The following PRAMEF10 variants were observed in gnomAD, a reference collection of about 807,000 sequenced individuals.
The protein encoded by PRAMEF10 is PRAME family member 10.
PRAMEF10 carries 4 observed loss-of-function variants against 27.7 expected under a neutral mutation model. That is an observed-to-expected ratio of 0.14 (90% confidence interval 0.07 to 0.33). The LOEUF is 0.33. Among genes scored for constraint, PRAMEF10 ranks in the 10% least tolerant of loss-of-function variants. The probability of loss-of-function intolerance (pLI) is 1.00; values close to 1 mark genes in which losing one functional copy is unlikely to be tolerated. For missense variants in PRAMEF10, 99 were observed against 453.9 expected, an observed-to-expected ratio of 0.22 and a Z score of 7.10; for synonymous variants, 46 against 176.0, an observed-to-expected ratio of 0.26 and a Z score of 5.85.
chr1:12,897,728 T>C (rs1231550204), intron 1 of PRAMEF10, among the ~76,000 whole-genome samples: 2 of 149,030 alleles, frequency 1.3e-5, no homozygotes, highest in African/African-American at 5.1e-5. Context: ...AAGTTGGCAG[T>C]TGGATGTAAT....
chr1:12,894,983 C>T lies in PRAMEF10; in HGVS notation c.469G>A (p.Glu157Lys), dbSNP rs201689660. 1.9e-6 allele frequency: 3 copies of T among 1,608,486 alleles called. No individual in the cohort carries two copies. The highest frequency in any genetic ancestry group is 1.1e-5 in the South Asian group (1 of 90,840). Residue 157 changes from glutamate to lysine, a missense_variant, in exon 3 of 4, where the codon GAA (glutamate) becomes AAA (lysine). Glu to Lys is a moderately conservative substitution (Grantham distance 56). Transcript: ENST00000235347. ...CTCAGGCATTCATCCAGTGTACTTT[C>T]CTTTAGGCAGAGGTCTATGAACACC... ...LKVFIDLCLK[E>K]STLDECLSYL...
At chr1:12,893,515 T>C in intron 3 of PRAMEF10, 41 bp from the exon 4 acceptor site, 1 of 1,477,072 alleles carries the variant, frequency 6.8e-7, no homozygotes, top group Admixed American at 1.7e-5. Flanking sequence ...ATGGTGCCAG[T>C]TAGAGGAGGG....
At position 12,893,378 on chromosome 1, in the gene PRAMEF10, C is replaced by T. The variant is rs199723344; in HGVS notation, c.963G>A (p.Gln321=). 1,105 of 1,610,422 alleles carry T rather than the reference C, an allele frequency of 6.9e-4. No individual in the cohort carries two copies. Among genetic ancestry groups the T allele is most frequent in the Non-Finnish European group, 9.0e-4 (1,059 of 1,178,982 alleles). Residue 321 remains glutamine (Q), a synonymous_variant, in exon 4 of 4, where the codon CAG becomes CAA. Coordinates refer to ENST00000235347, the MANE Select transcript of PRAMEF10 (RefSeq NM_001039361.4). The part of the protein sequence containing the change: ...ECLSQYPSLS[Q]LKELRLIHIL... ...TATGAATCAGACGCAGCTCCTTTAG[C>T]TGACTGAGGCTTGGGTACTGAGACA...
rs1289023616 is a variant in PRAMEF10, at chr1:12,893,281, G to T, written c.1060C>A (p.Leu354Ile). ...TGGATCCGACAGTCCTTTAAGACGAGGGTCTTGAGAGTAGCAGCAACTTTC... is the reference window on the plus strand; with the variant it reads ...TGGATCCGACAGTCCTTTAAGACGATGGTCTTGAGAGTAGCAGCAACTTTC... ...LEKVAATLKT[L>I]VLKDCRIQDP... The change falls in exon 4 of 4, where the codon CTC becomes ATC. Residue 354 changes from leucine (L) to isoleucine (I), a missense_variant. Transcript: ENST00000235347. The T allele has an allele frequency of 6.2e-7, 1 of 1,611,630 alleles. No homozygotes were observed. Among genetic ancestry groups the T allele is most frequent in the Non-Finnish European group, 8.5e-7 (1 of 1,179,856 alleles).
rs961383379 is a variant in PRAMEF10 at position 12,897,542 on chromosome 1, C to T, written c.-26+674G>A. 7.6e-4 allele frequency among the ~76,000 whole-genome samples: 113 copies of T among 147,792 alleles called. 1 individual carries two copies. The highest frequency in any genetic ancestry group is 1.8e-3 in the Admixed American group (27 of 14,764). ...GAAGACAGATGCATGCTACCATGCCCGGCTAATTAAAAAATATGTATATTT... is the reference window on the plus strand; with the variant it reads ...GAAGACAGATGCATGCTACCATGCCTGGCTAATTAAAAAATATGTATATTT... On this transcript the variant is annotated intron_variant, in intron 1 of 3. Coordinates refer to ENST00000235347, the MANE Select transcript of PRAMEF10 (RefSeq NM_001039361.4).
intron 1 of PRAMEF10, among the ~76,000 whole-genome samples, chr1:12,896,719 AAG>A (rs930420187): frequency 7.6e-4 from 26 of 34,174 alleles, no homozygotes; most frequent in South Asian, 2.4e-3. Context: ...AGATTCAAAA[AAG>A]AGAGAGAGAG....
chr1:12,896,417 C>T (rs1238905748), intron 1 of PRAMEF10, among the ~76,000 whole-genome samples: 9 of 150,590 alleles, frequency 6.0e-5, no homozygotes, highest in East Asian at 5.9e-4. Context: ...ACACCTCTTA[C>T]GCATGTTCAA....
chr1:12,896,452 G>C (rs1048793997), intron 1 of PRAMEF10, among the ~76,000 whole-genome samples: 1 of 149,080 alleles, frequency 6.7e-6, no homozygotes, highest in Non-Finnish European at 1.5e-5. Flanking sequence ...GCTGTGCGCA[G>C]TGACTCACAC....
chr1:12,896,419 C>T (rs911750100), intron 1 of PRAMEF10, among the ~76,000 whole-genome samples: 2 of 150,436 alleles, frequency 1.3e-5, no homozygotes, highest in Non-Finnish European at 3.0e-5. Flanking sequence ...ACCTCTTACG[C>T]ATGTTCAAAA....
At chr1:12,897,716 G>A (rs1324663390) in intron 1 of PRAMEF10, among the ~76,000 whole-genome samples, 5 of 148,852 alleles carry the variant, frequency 3.4e-5, no homozygotes, top group African/African-American at 1.3e-4. Context: ...AATTAGCCAG[G>A]CAAGTTGGCA....
chr1:12,893,592 A>G (rs1641165216), intron 3 of PRAMEF10, 118 bp from the exon 4 acceptor site: 1 of 810,630 alleles, frequency 1.2e-6, no homozygotes, highest in African/African-American at 2.2e-5. Flanking sequence ...TTACTACCAC[A>G]CAGGTGTTAT....
At chr1:12,893,784 A>G (rs1641168025) in intron 3 of PRAMEF10, among the ~76,000 whole-genome samples, 3 of 106,910 alleles carry the variant, frequency 2.8e-5, no homozygotes, top group Admixed American at 2.7e-4. Flanking sequence ...CTACTCCCTC[A>G]CCCTCCATCC....
intron 1 of PRAMEF10, among the ~76,000 whole-genome samples, chr1:12,897,720 G>T (rs1223732113): frequency 6.7e-6 from 1 of 149,098 alleles, no homozygotes; most frequent in Non-Finnish European, 1.5e-5. Flanking sequence ...AGCCAGGCAA[G>T]TTGGCAGTTG....
intron 1 of PRAMEF10, among the ~76,000 whole-genome samples, chr1:12,896,527 TC>T (rs1453381811): frequency 2.3e-5 from 3 of 130,610 alleles, no homozygotes; most frequent in Non-Finnish European, 4.9e-5. Flanking sequence ...TTTGAGACCA[TC>T]CTGGCCAACA....
In PRAMEF10 at chr1:12,893,278, C is replaced by A; in HGVS notation, c.1063G>T (p.Val355Phe). Residue 355 changes from valine (V) to phenylalanine (F), a missense_variant, in exon 4 of 4, where the codon GTC becomes TTC. By Grantham distance (50) the Val-to-Phe change is conservative. Transcript: ENST00000235347. ...TCCTGGATCCGACAGTCCTTTAAGACGAGGGTCTTGAGAGTAGCAGCAACT... is the reference window on the plus strand; with the variant it reads ...TCCTGGATCCGACAGTCCTTTAAGAAGAGGGTCTTGAGAGTAGCAGCAACT... ...EKVAATLKTL[V>F]LKDCRIQDPQ... is the part of the protein sequence containing the mutation. The A allele has an allele frequency of 6.2e-7, 1 of 1,611,626 alleles. No homozygotes were observed. The highest frequency in any genetic ancestry group is 1.1e-5 in the South Asian group (1 of 90,954).
At chr1:12,897,741 C>T (rs1049891106) in intron 1 of PRAMEF10, among the ~76,000 whole-genome samples, 2 of 149,188 alleles carry the variant, frequency 1.3e-5, no homozygotes, top group African/African-American at 5.1e-5. Flanking sequence ...GATGTAATAC[C>T]AGATACTCAG....
At chr1:12,896,719 A>AGAG (rs1641213413) in intron 1 of PRAMEF10, among the ~76,000 whole-genome samples, 2 of 34,208 alleles carry the variant, frequency 5.8e-5, no homozygotes, top group African/African-American at 1.9e-4. Flanking sequence ...AGATTCAAAA[A>AGAG]AGAGAGAGAG....
At chr1:12,896,477 C>CT (rs1641209999) in intron 1 of PRAMEF10, among the ~76,000 whole-genome samples, 1 of 145,962 alleles carries the variant, frequency 6.9e-6, no homozygotes, top group African/African-American at 2.5e-5. Flanking sequence ...AATCCCAGCA[C>CT]TTTGGGAGGC....
chr1:12,894,019 CT>C lies in PRAMEF10; in HGVS notation c.867-546del, dbSNP rs1227768930. On this transcript the variant is annotated intron_variant, in intron 3 of 3. Coordinates refer to ENST00000235347, the MANE Select transcript of PRAMEF10 (RefSeq NM_001039361.4). ...TCAGCTCACTGCAGCCTCCACTTCC[CT>C]TGCCTCAGTCTCCCAAGCAGCTGGG... Among the ~76,000 whole-genome samples the C allele has an allele frequency of 2.7e-5, 4 of 147,952 alleles. No homozygotes were observed. In the East Asian group the frequency reaches 8.3e-4, roughly 31 times the overall value.
Sources: allele counts gnomAD v4.1 joint callset (sites outside exome capture counted in the v4.1 genomes callset), GRCh38; gene constraint gnomAD v4.1.1; transcripts MANE v1.5; gene names NCBI Gene and HGNC (gene_info 2026-07-23, HGNC 2026-07-21).